Variants in SHANK2 observed in about 807,000 individuals in gnomAD.
SHANK2 encodes the protein SH3 and multiple ankyrin repeat domains 2, also known as SH3 and multiple ankyrin repeat domains protein 2.
SHANK2 carries 43 observed loss-of-function variants against 133.7 expected under a neutral mutation model. The ratio of observed to expected loss-of-function variants is 0.32; its 90% confidence interval spans 0.25 to 0.41. SHANK2 has a LOEUF of 0.41. SHANK2 is among the 10% of genes least tolerant of loss of function. The probability of loss-of-function intolerance (pLI) is 1.00; values close to 1 mark genes in which losing one functional copy is unlikely to be tolerated. For synonymous variants in SHANK2, 1,017 were observed against 952.8 expected (o/e 1.07, Z -1.24); for missense variants, 1,994 against 2,235.8 (o/e 0.89, Z 2.18).
intron 17 of SHANK2, among the ~76,000 whole-genome samples, chr11:70,538,003 C>G (rs1158927238): frequency 2.6e-5 from 4 of 152,236 alleles, no homozygotes; most frequent in Non-Finnish European, 4.4e-5. Context: ...AAACAGTGAT[C>G]TCAAAGTAGC....
At chr11:70,640,540 G>C (rs1555005954) in intron 17 of SHANK2, among the ~76,000 whole-genome samples, 1 of 152,250 alleles carries the variant, frequency 6.6e-6, no homozygotes, top group African/African-American at 2.4e-5. Context: ...CTGGTCATTT[G>C]TGACAGCGGC....
chr11:71,126,055 TA>T (rs567283530), intron 3 of SHANK2, among the ~76,000 whole-genome samples: 82 of 151,412 alleles, frequency 5.4e-4, no homozygotes, highest in Non-Finnish European at 8.0e-4. Flanking sequence ...CCAACTCTAC[TA>T]AAAATACAAA....
intron 3 of SHANK2, among the ~76,000 whole-genome samples, chr11:71,139,492 TA>T (rs1231099504): frequency 6.6e-6 from 1 of 151,856 alleles, no homozygotes; most frequent in Non-Finnish European, 1.5e-5. Flanking sequence ...CCCTAAAACT[TA>T]AAGTATAATA....
At chr11:71,107,247 C>T (rs537661649) in intron 6 of SHANK2, among the ~76,000 whole-genome samples, 15 of 152,174 alleles carry the variant, frequency 9.9e-5, no homozygotes, top group African/African-American at 1.7e-4. Flanking sequence ...TAAGGAAGCA[C>T]GCAGGCATTC....
intron 1 of SHANK2, among the ~76,000 whole-genome samples, chr11:71,247,189 A>G (rs1954971928): frequency 6.6e-6 from 1 of 152,224 alleles, no homozygotes; most frequent in African/African-American, 2.4e-5. Flanking sequence ...GTATCCGTCA[A>G]GAAAAAGTGG....
At chr11:70,823,728 A>T (rs1483675267) in intron 11 of SHANK2, among the ~76,000 whole-genome samples, 2 of 147,102 alleles carry the variant, frequency 1.4e-5, no homozygotes, top group African/African-American at 2.5e-5. Context: ...AGTAGAGCTC[A>T]TGAGGGACAG....
chr11:70,524,715 C>T (rs1438784406), intron 17 of SHANK2, among the ~76,000 whole-genome samples: 6 of 152,194 alleles, frequency 3.9e-5, no homozygotes, highest in African/African-American at 1.2e-4. Context: ...GCAAATGCTT[C>T]GGATGCCTTC....
At chr11:70,702,417 A>G (rs1177999312) in intron 14 of SHANK2, among the ~76,000 whole-genome samples, 1 of 151,764 alleles carries the variant, frequency 6.6e-6, no homozygotes, top group Non-Finnish European at 1.5e-5. Context: ...CACCATCATC[A>G]TCATCACCAC....
intron 11 of SHANK2, among the ~76,000 whole-genome samples, chr11:70,837,281 G>A (rs1179751663): frequency 1.3e-5 from 2 of 152,130 alleles, no homozygotes; most frequent in East Asian, 3.9e-4. Context: ...TGCTGCTCCT[G>A]CTCCTCCAGA....
At chr11:70,657,670 C>T (rs920695996) in intron 17 of SHANK2, among the ~76,000 whole-genome samples, 1 of 152,172 alleles carries the variant, frequency 6.6e-6, no homozygotes, top group Non-Finnish European at 1.5e-5. Flanking sequence ...ATAATGCAGG[C>T]GCAGCCCTAA....
chr11:70,628,572 G>T (rs1221984403), intron 17 of SHANK2, among the ~76,000 whole-genome samples: 2 of 152,212 alleles, frequency 1.3e-5, no homozygotes, highest in African/African-American at 4.8e-5. Context: ...TGCAGAGGAG[G>T]AGCCTAAGGC....
At chr11:70,910,909 T>C in intron 10 of SHANK2, 1 of 449,438 alleles carries the variant, frequency 2.2e-6, no homozygotes, top group East Asian at 7.0e-5. Flanking sequence ...CGTGTGTGTG[T>C]GTGTGCGCGT....
intron 11 of SHANK2, among the ~76,000 whole-genome samples, chr11:70,892,274 C>G (rs1018430174): frequency 6.6e-6 from 1 of 152,228 alleles, no homozygotes; most frequent in Non-Finnish European, 1.5e-5. Context: ...TGGCTAGGAG[C>G]TGACAAATGC....
At chr11:70,588,168 C>T (rs906397433) in intron 17 of SHANK2, among the ~76,000 whole-genome samples, 18 of 152,102 alleles carry the variant, frequency 1.2e-4, no homozygotes, top group African/African-American at 4.1e-4. Flanking sequence ...TTCCCTGAGA[C>T]ACAACAATAT....
chr11:70,789,261 CCT>C (rs1231164597), intron 14 of SHANK2, among the ~76,000 whole-genome samples: 1 of 152,192 alleles, frequency 6.6e-6, no homozygotes, highest in Non-Finnish European at 1.5e-5. Context: ...CAAATGAGGT[CCT>C]GTCTCTTCTC....
At chr11:71,085,439 G>C (rs1339041643) in intron 8 of SHANK2, among the ~76,000 whole-genome samples, 1 of 136,768 alleles carries the variant, frequency 7.3e-6, no homozygotes, top group African/African-American at 2.8e-5. Context: ...CTGGGCAACA[G>C]AGCAAGACTC....
chr11:71,235,933 A>C (rs1235822502), intron 1 of SHANK2, among the ~76,000 whole-genome samples: 1 of 152,272 alleles, frequency 6.6e-6, no homozygotes, highest in African/African-American at 2.4e-5. Context: ...GCCAGAAGCA[A>C]TGTGACTTTA....
intron 1 of SHANK2, among the ~76,000 whole-genome samples, chr11:71,243,169 G>A (rs937367646): frequency 1.3e-4 from 20 of 152,082 alleles, no homozygotes; most frequent in African/African-American, 3.1e-4. Flanking sequence ...GAAAAAGAAC[G>A]GGAAACTGAA....
intron 17 of SHANK2, among the ~76,000 whole-genome samples, chr11:70,602,434 G>T (rs1554991269): frequency 6.6e-6 from 1 of 152,158 alleles, no homozygotes; most frequent in African/African-American, 2.4e-5. Flanking sequence ...TCAGACATCA[G>T]GAGAATACGC....
Sources: allele counts gnomAD v4.1 joint callset (sites outside exome capture counted in the v4.1 genomes callset), GRCh38; gene constraint gnomAD v4.1.1; transcripts MANE v1.5; gene names NCBI Gene and HGNC (gene_info 2026-07-23, HGNC 2026-07-21).